SOX6: variants seen among roughly 807,000 people sequenced by gnomAD.
SOX6 encodes the protein SRY-box transcription factor 6.
A neutral mutation model predicts 97.8 loss-of-function variants in SOX6; 11 were observed. That is an observed-to-expected ratio of 0.11 (90% CI 0.07 to 0.19). SOX6 has a LOEUF of 0.19. Among genes scored for constraint, SOX6 ranks in the 10% least tolerant of loss-of-function variants. SOX6 has a pLI of 1.00. For synonymous variants in SOX6, 360 were observed against 371.4 expected (o/e 0.97, Z 0.35); for missense variants, 810 against 1,039.5 (o/e 0.78, Z 3.04).
chr11:16,570,068 A>T (rs72859457), intron 4 of SOX6, among the ~76,000 whole-genome samples: 1 of 152,020 alleles, frequency 6.6e-6, no homozygotes, highest in Non-Finnish European at 1.5e-5. Flanking sequence ...AGCAATGCCC[A>T]TCTAAATCCC....
At chr11:16,333,269 T>C (rs1856363793) in intron 2 of SOX6, among the ~76,000 whole-genome samples, 1 of 152,164 alleles carries the variant, frequency 6.6e-6, no homozygotes, top group Non-Finnish European at 1.5e-5. Flanking sequence ...AGATTAATAT[T>C]TCATTCTAAT....
intron 2 of SOX6, among the ~76,000 whole-genome samples, chr11:16,721,671 G>A (rs942813437): frequency 7.0e-6 from 1 of 142,988 alleles, no homozygotes; most frequent in Non-Finnish European, 1.5e-5. Context: ...GTGAAGACTT[G>A]ACTGCTTCCC....
intron 3 of SOX6, among the ~76,000 whole-genome samples, chr11:16,291,986 C>T (rs1176923187): frequency 6.6e-6 from 1 of 152,034 alleles, no homozygotes; most frequent in Non-Finnish European, 1.5e-5. Context: ...TTGTTAGTCC[C>T]AGAGGCTTAA....
chr11:16,657,419 T>C (rs1847731392), intron 3 of SOX6, among the ~76,000 whole-genome samples: 1 of 152,224 alleles, frequency 6.6e-6, no homozygotes, highest in African/African-American at 2.4e-5. Context: ...TGTGCATGTG[T>C]TTATATGAAC....
chr11:16,273,092 A>C (rs1854303119), intron 3 of SOX6, among the ~76,000 whole-genome samples: 1 of 151,786 alleles, frequency 6.6e-6, no homozygotes, highest in Non-Finnish European at 1.5e-5. Flanking sequence ...CACAAATTTC[A>C]CTCCGTCAAT....
intron 4 of SOX6, among the ~76,000 whole-genome samples, chr11:16,601,500 C>T (rs983900205): frequency 3.3e-5 from 5 of 151,876 alleles, no homozygotes; most frequent in African/African-American, 7.3e-5. Context: ...GAAAGTTGTT[C>T]GTAAATAGTG....
At chr11:16,591,498 T>G (rs1848153818) in intron 4 of SOX6, among the ~76,000 whole-genome samples, 1 of 152,102 alleles carries the variant, frequency 6.6e-6, no homozygotes, top group African/African-American at 2.4e-5. Flanking sequence ...CAAAACAGAT[T>G]TATGTTATGA....
intron 4 of SOX6, among the ~76,000 whole-genome samples, chr11:16,207,895 A>T (rs1852117853): frequency 6.6e-6 from 1 of 152,162 alleles, no homozygotes; most frequent in Non-Finnish European, 1.5e-5. Flanking sequence ...CAAAGGAATG[A>T]GAAAATTTTA....
chr11:16,392,105 T>C (rs1014012646), intron 1 of SOX6, among the ~76,000 whole-genome samples: 6 of 152,024 alleles, frequency 3.9e-5, no homozygotes, highest in Non-Finnish European at 8.8e-5. Context: ...TATAAAGCAA[T>C]ATGTGTAAAA....
At chr11:16,421,627 A>G (rs1243087911) in intron 1 of SOX6, among the ~76,000 whole-genome samples, 1 of 152,206 alleles carries the variant, frequency 6.6e-6, no homozygotes, top group East Asian at 1.9e-4. Context: ...ATGATATTGT[A>G]CAAAAGAAAA....
chr11:16,462,800 T>C (rs1175596779), intron 1 of SOX6, among the ~76,000 whole-genome samples: 4 of 152,138 alleles, frequency 2.6e-5, no homozygotes, highest in Admixed American at 6.5e-5. Context: ...AATCACTCTG[T>C]CCATTACTGA....
At chr11:16,200,546 T>C (rs549725655) in intron 4 of SOX6, among the ~76,000 whole-genome samples, 53 of 152,184 alleles carry the variant, frequency 3.5e-4, no homozygotes, top group African/African-American at 6.8e-4. Context: ...GACACATCTA[T>C]AGAATATCTC....
chr11:16,169,894 T>C (rs905208559), intron 6 of SOX6, among the ~76,000 whole-genome samples: 1 of 146,828 alleles, frequency 6.8e-6, no homozygotes, highest in Non-Finnish European at 1.5e-5. Flanking sequence ...AAAATTAAAA[T>C]ACACCCTTGT....
chr11:16,194,218 G>C (rs1210756130), intron 4 of SOX6, among the ~76,000 whole-genome samples: 1 of 152,140 alleles, frequency 6.6e-6, no homozygotes, highest in Non-Finnish European at 1.5e-5. Flanking sequence ...AATGGCCCTA[G>C]TGCATCATAA....
intron 6 of SOX6, among the ~76,000 whole-genome samples, chr11:16,174,327 T>C (rs1456980592): frequency 6.6e-6 from 1 of 151,908 alleles, no homozygotes; most frequent in Non-Finnish European, 1.5e-5. Flanking sequence ...TGACTATGAA[T>C]TCCTTAACTT....
intron 3 of SOX6, among the ~76,000 whole-genome samples, chr11:16,626,853 A>T (rs377744285): frequency 4.3e-4 from 65 of 152,142 alleles, no homozygotes; most frequent in African/African-American, 1.4e-3. Flanking sequence ...GATTCAGGAG[A>T]TACATGTGCA....
chr11:16,679,745 CA>C (rs536227176), intron 3 of SOX6, among the ~76,000 whole-genome samples: 163 of 152,252 alleles, frequency 1.1e-3, no homozygotes, highest in African/African-American at 3.4e-3. Flanking sequence ...CTAACTCAAA[CA>C]GTGTAGAGAA....
chr11:16,657,776 T>G (rs1202853659), intron 3 of SOX6, among the ~76,000 whole-genome samples: 1 of 152,228 alleles, frequency 6.6e-6, no homozygotes, highest in East Asian at 1.9e-4. Context: ...CCATTTCTTC[T>G]TTAGTGAGAT....
intron 7 of SOX6, among the ~76,000 whole-genome samples, chr11:16,109,962 T>C (rs1205599971): frequency 6.6e-6 from 1 of 152,198 alleles, no homozygotes; most frequent in African/African-American, 2.4e-5. Flanking sequence ...CTTTGTTCAA[T>C]AGAAGTAACT....
Sources: allele counts gnomAD v4.1 joint callset (sites outside exome capture counted in the v4.1 genomes callset), GRCh38; gene constraint gnomAD v4.1.1; transcripts MANE v1.5; gene names NCBI Gene and HGNC (gene_info 2026-07-23, HGNC 2026-07-21).